The following FIGN variants were observed in gnomAD, a reference collection of about 807,000 sequenced individuals.
FIGN encodes fidgetin, microtubule severing factor, also known as fidgetin.
A neutral mutation model predicts 51.3 loss-of-function variants in FIGN; 11 were observed. The observed-to-expected ratio is 0.21, with a 90% CI of 0.13 to 0.35. The LOEUF (loss-of-function observed/expected upper bound fraction) is 0.35, where lower values mean the gene tolerates loss of function less well. FIGN is among the 10% of genes least tolerant of loss of function. FIGN has a pLI of 1.00. For missense variants in FIGN, 857 were observed against 943.6 expected (o/e 0.91, Z 1.20); for synonymous variants, 407 against 363.2 (o/e 1.12, Z -1.37).
intron 2 of FIGN, among the ~76,000 whole-genome samples, chr2:163,703,126 A>T (rs1411540719): frequency 6.6e-6 from 1 of 151,304 alleles, no homozygotes; most frequent in Non-Finnish European, 1.5e-5. Flanking sequence ...GTTTTTTTGT[A>T]ATTGAAAAAA....
At chr2:163,692,664 T>C (rs577759632) in intron 2 of FIGN, among the ~76,000 whole-genome samples, 8 of 152,208 alleles carry the variant, frequency 5.3e-5, no homozygotes. Context: ...TTAAGTCCTC[T>C]GACATTCAGT....
intron 2 of FIGN, among the ~76,000 whole-genome samples, chr2:163,729,325 T>C (rs1684890326): frequency 6.6e-6 from 1 of 151,820 alleles, no homozygotes; most frequent in Non-Finnish European, 1.5e-5. Context: ...ATAAGCAAAA[T>C]GGAATAAGTA....
In FIGN at chr2:163,610,489, C is replaced by T. The variant is rs774416656; in HGVS notation, c.1343G>A (p.Arg448His). 88 of 1,613,964 alleles carry T rather than the reference C, an allele frequency of 5.5e-5. No homozygotes were observed. Among genetic ancestry groups the T allele is most frequent in the Middle Eastern group, 1.6e-4 (1 of 6,084 alleles). Residue 448 changes from arginine (R) to histidine (H), a missense_variant, in exon 3 of 3, where the codon CGT becomes CAT. By Grantham distance (29) the Arg-to-His change is conservative (BLOSUM62 0). This residue lies in a region of FIGN where 799 missense variants were observed against 849.5 expected (regional missense o/e 0.94). Transcript: ENST00000333129. ...LSHPMQGPGLRAATSSNHSVD... is the reference protein window; with the variant it reads ...LSHPMQGPGLHAATSSNHSVD... ...AGAGTGGTTGGATGAGGTAGCTGCA[C>T]GGAGTCCAGGGCCTTGCATTGGGTG...
At chr2:163,614,762 A>T (rs1350773164) in intron 2 of FIGN, among the ~76,000 whole-genome samples, 1 of 152,146 alleles carries the variant, frequency 6.6e-6, no homozygotes, top group Non-Finnish European at 1.5e-5. Context: ...GTTAATAAAC[A>T]TACATAACAA....
At position 163,639,511 on chromosome 2, in the gene FIGN, T is replaced by C. The variant is rs75395235; in HGVS notation, c.26-27705A>G. Among the ~76,000 whole-genome samples the C allele has an allele frequency of 5.7e-3, 873 of 152,216 alleles. 8 individuals are homozygous for C. The highest frequency in any genetic ancestry group is 0.02 in the African/African-American group (832 of 41,550). On this transcript the variant is annotated intron_variant, in intron 2 of 2. Coordinates refer to ENST00000333129, the MANE Select transcript of FIGN (RefSeq NM_018086.4). ...AAAAAAATTCAATCAGGTACCACAA[T>C]TGTCAATTTCTACAGTGCTCTGAGG... is the stretch of plus-strand genomic sequence containing the variant.
At chr2:163,679,594 C>T (rs944566285) in intron 2 of FIGN, among the ~76,000 whole-genome samples, 3 of 152,054 alleles carry the variant, frequency 2.0e-5, no homozygotes, top group African/African-American at 4.8e-5. Flanking sequence ...CCTGGTCTAA[C>T]TTTCCATCTT....
chr2:163,675,706 CT>C (rs900840520), intron 2 of FIGN, among the ~76,000 whole-genome samples: 5,939 of 100,532 alleles, frequency 0.059, 93 homozygotes, highest in African/African-American at 0.1. Context: ...TTCTTTCTTT[CT>C]TTTTTTTTTT....
rs150249473 is a variant in FIGN at position 163,626,551 on chromosome 2, G to T, written c.26-14745C>A. On this transcript the variant is annotated intron_variant, in intron 2 of 2. Coordinates refer to ENST00000333129, the MANE Select transcript of FIGN (RefSeq NM_018086.4). ...ATAATAACAATATAAAAATCATTTT[G>T]GTGGGTTTTAAAAATAACTTTCCAT... 2.9e-4 allele frequency among the ~76,000 whole-genome samples: 44 copies of T among 152,124 alleles called. No homozygotes were observed. The East Asian group carries it at 4.6e-3, about 16-fold the overall frequency.
intron 2 of FIGN, among the ~76,000 whole-genome samples, chr2:163,661,879 T>G (rs1683690703): frequency 6.6e-6 from 1 of 152,188 alleles, no homozygotes; most frequent in Non-Finnish European, 1.5e-5. Flanking sequence ...TGTGGAACTG[T>G]AAGTCCAACT....
chr2:163,640,839 A>T (rs796728073), intron 2 of FIGN, among the ~76,000 whole-genome samples: 5 of 152,340 alleles, frequency 3.3e-5, no homozygotes, highest in African/African-American at 9.6e-5. Context: ...TTAGAATAAC[A>T]CTGGTACCTA....
chr2:163,614,185 T>A (rs1254900740), intron 2 of FIGN, among the ~76,000 whole-genome samples: 1 of 152,150 alleles, frequency 6.6e-6, no homozygotes, highest in Non-Finnish European at 1.5e-5. Context: ...TTCTGCTTTC[T>A]CAATCATTAC....
intron 2 of FIGN, among the ~76,000 whole-genome samples, chr2:163,623,477 A>G (rs1683004723): frequency 6.6e-6 from 1 of 152,164 alleles, no homozygotes; most frequent in Non-Finnish European, 1.5e-5. Context: ...TTTACAGGAA[A>G]AGCAAATAAT....
At chr2:163,707,970 T>C (rs1684527902) in intron 2 of FIGN, among the ~76,000 whole-genome samples, 1 of 152,206 alleles carries the variant, frequency 6.6e-6, no homozygotes, top group South Asian at 2.1e-4. Context: ...CACATTGTGA[T>C]ATCAAATCCT....
chr2:163,723,619 T>A (rs943890810), intron 2 of FIGN, among the ~76,000 whole-genome samples: 4 of 152,122 alleles, frequency 2.6e-5, no homozygotes, highest in Non-Finnish European at 5.9e-5. Flanking sequence ...AAAAAGAAGG[T>A]GGACAAAGAC....
intron 2 of FIGN, among the ~76,000 whole-genome samples, chr2:163,637,988 C>T (rs140386287): frequency 4.3e-4 from 66 of 152,184 alleles, no homozygotes; most frequent in South Asian, 3.7e-3. Context: ...AACTTTAATT[C>T]GATTCCTGGC....
intron 2 of FIGN, among the ~76,000 whole-genome samples, chr2:163,620,776 C>T (rs1213102484): frequency 6.6e-6 from 1 of 151,482 alleles, no homozygotes; most frequent in East Asian, 1.9e-4. Context: ...TATGACATGG[C>T]TAGTATATTT....
intron 2 of FIGN, among the ~76,000 whole-genome samples, chr2:163,678,931 T>G (rs1684015096): frequency 6.6e-6 from 1 of 152,184 alleles, no homozygotes; most frequent in East Asian, 1.9e-4. Flanking sequence ...ACTACCCCAC[T>G]CACACACATA....
At chr2:163,714,032 C>T (rs1314739174) in intron 2 of FIGN, among the ~76,000 whole-genome samples, 2 of 152,178 alleles carry the variant, frequency 1.3e-5, no homozygotes, top group African/African-American at 4.8e-5. Flanking sequence ...ACTTGCACAG[C>T]GGCTCACGGG....
intron 2 of FIGN, among the ~76,000 whole-genome samples, chr2:163,706,044 C>T (rs765311778): frequency 6.6e-6 from 1 of 152,150 alleles, no homozygotes; most frequent in African/African-American, 2.4e-5. Context: ...CAGCCTGAAG[C>T]ATCCTGAACT....
Sources: allele counts gnomAD v4.1 joint callset (sites outside exome capture counted in the v4.1 genomes callset), GRCh38; gene constraint gnomAD v4.1.1; regional missense constraint gnomAD v4.1.1; transcripts MANE v1.5; gene names NCBI Gene and HGNC (gene_info 2026-07-23, HGNC 2026-07-21).